Variants in CSMD1 observed in about 807,000 individuals in gnomAD.
CSMD1 encodes CUB and sushi domain-containing protein 1.
In CSMD1, 213 loss-of-function variants were observed where a neutral mutation model predicts 417.5. The observed-to-expected ratio is 0.51, with a 90% CI of 0.46 to 0.57. CSMD1 has a LOEUF of 0.57. CSMD1 is among the 20% of genes least tolerant of loss of function. The pLI is 0.00. For synonymous variants in CSMD1, 2,862 were observed against 1,736.8 expected (o/e 1.65, Z -16.11); for missense variants, 6,923 against 4,529.7 (o/e 1.53, Z -15.17).
intron 5 of CSMD1, among the ~76,000 whole-genome samples, chr8:3,798,605 C>A (rs192732374): frequency 6.6e-6 from 1 of 152,082 alleles, no homozygotes; most frequent in Non-Finnish European, 1.5e-5. Flanking sequence ...AAAATATTAA[C>A]TTTGCTTCCA....
rs551394306 is a variant in CSMD1 at position 4,274,596 on chromosome 8, T to C, written c.415+145357A>G. 3.9e-5 allele frequency among the ~76,000 whole-genome samples: 6 copies of C among 152,284 alleles called. No homozygotes were observed. The East Asian group carries it at 1.2e-3, about 29-fold the overall frequency. ...CTTTAAATTATATCTATTCTATTAA[T>C]AGATTAATCTATGAAATTTCTATTA... On this transcript the variant is annotated intron_variant, in intron 3 of 69. Coordinates refer to ENST00000635120, the MANE Select transcript of CSMD1 (RefSeq NM_033225.6).
intron 1 of CSMD1, among the ~76,000 whole-genome samples, chr8:4,672,370 G>C (rs1408991304): frequency 1.3e-5 from 2 of 152,164 alleles, no homozygotes; most frequent in Admixed American, 6.5e-5. Context: ...TAACTGTAAA[G>C]AGACTTAGAG....
chr8:3,798,750 G>A (rs925412293), intron 5 of CSMD1, among the ~76,000 whole-genome samples: 2 of 151,966 alleles, frequency 1.3e-5, no homozygotes, highest in African/African-American at 2.4e-5. Context: ...CTATAGATCA[G>A]TATTTAGAAA....
At chr8:4,214,600 C>T (rs74619223) in intron 3 of CSMD1, among the ~76,000 whole-genome samples, 1 of 152,188 alleles carries the variant, frequency 6.6e-6, no homozygotes, top group East Asian at 1.9e-4. Flanking sequence ...GCCTGGCCCA[C>T]CTTATTAGAA....
At chr8:3,390,537 G>C (rs922718461) in intron 17 of CSMD1, among the ~76,000 whole-genome samples, 1 of 151,910 alleles carries the variant, frequency 6.6e-6, no homozygotes, top group African/African-American at 2.4e-5. Context: ...AGCACAAAGA[G>C]AAATACAGAC....
At chr8:3,996,971 C>G (rs974341251) in intron 5 of CSMD1, among the ~76,000 whole-genome samples, 86 of 152,166 alleles carry the variant, frequency 5.7e-4, no homozygotes, top group African/African-American at 1.9e-3. Context: ...CAAACTGCAA[C>G]CTGCCGACAT....
At chr8:3,703,775 T>C (rs1198771917) in intron 7 of CSMD1, among the ~76,000 whole-genome samples, 5 of 152,098 alleles carry the variant, frequency 3.3e-5, no homozygotes, top group Non-Finnish European at 1.5e-5. Context: ...CATACCTGTA[T>C]AAACTTAACT....
At chr8:3,938,136 A>G (rs544725332) in intron 5 of CSMD1, among the ~76,000 whole-genome samples, 115 of 152,250 alleles carry the variant, frequency 7.6e-4, no homozygotes, top group Middle Eastern at 3.4e-3. Context: ...ATGTAAATAA[A>G]TATTTTATTA....
intron 17 of CSMD1, 97 bp downstream of exon 17, chr8:3,396,097 C>G (rs1185876061): frequency 3.8e-6 from 4 of 1,044,710 alleles, no homozygotes; most frequent in Non-Finnish European, 5.7e-6. Flanking sequence ...GATCAGTAAA[C>G]TAGCACAGTC....
intron 5 of CSMD1, among the ~76,000 whole-genome samples, chr8:3,806,008 G>A (rs878890790): frequency 2.0e-5 from 3 of 152,130 alleles, no homozygotes; most frequent in Admixed American, 2.0e-4. Context: ...CAAACTGGGG[G>A]AGACCTGGAG....
At chr8:3,645,824 GC>G (rs1222698096) in intron 7 of CSMD1, among the ~76,000 whole-genome samples, 4 of 152,176 alleles carry the variant, frequency 2.6e-5, no homozygotes, top group African/African-American at 7.2e-5. Context: ...ATGACACTGG[GC>G]TACAAGAAGA....
chr8:4,074,859 C>A (rs1799740733), intron 3 of CSMD1, among the ~76,000 whole-genome samples: 1 of 151,840 alleles, frequency 6.6e-6, no homozygotes. Context: ...TTTTTTCTCT[C>A]CTCCAGAATG....
At chr8:3,751,019 G>T (rs1797310696) in intron 6 of CSMD1, among the ~76,000 whole-genome samples, 1 of 152,064 alleles carries the variant, frequency 6.6e-6, no homozygotes, top group South Asian at 2.1e-4. Context: ...TTCTTCAGAG[G>T]GTGGTGTCTA....
chr8:3,006,621 T>C (rs1807928697), intron 52 of CSMD1, among the ~76,000 whole-genome samples: 1 of 150,572 alleles, frequency 6.6e-6, no homozygotes, highest in Admixed American at 6.6e-5. Flanking sequence ...TAATGCCGCA[T>C]ATCTACAACT....
chr8:3,488,358 T>G (rs1157017012), intron 11 of CSMD1, among the ~76,000 whole-genome samples: 2 of 152,110 alleles, frequency 1.3e-5, no homozygotes, highest in Non-Finnish European at 2.9e-5. Context: ...TTCTCCCTCC[T>G]CGGCTTCCCA....
intron 1 of CSMD1, among the ~76,000 whole-genome samples, chr8:4,739,006 C>T (rs547180468): frequency 5.9e-4 from 89 of 151,816 alleles, no homozygotes; most frequent in African/African-American, 2.1e-3. Flanking sequence ...GTCTTCCATG[C>T]TAAAACAAGT....
At chr8:3,760,186 C>G (rs1171808457) in intron 5 of CSMD1, among the ~76,000 whole-genome samples, 1 of 152,114 alleles carries the variant, frequency 6.6e-6, no homozygotes, top group African/African-American at 2.4e-5. Flanking sequence ...GCATCTCAAT[C>G]TAGGTCAGGA....
rs370398160 is a variant in CSMD1 at position 3,493,635 on chromosome 8, G to C, written c.1436C>G (p.Ser479Trp). The change falls in exon 11 of 70, where the codon TCG becomes TGG. Residue 479 changes from serine to tryptophan, a missense_variant. Transcript: ENST00000635120. ...AGGACATACTCACACGTACAAGACC[G>C]ATCTGGTGTCTCCCACCTTCCCAGC... Reference protein sequence around the residue: ...GDAGKVGDTRSVLYVLTGSSV... With the variant: ...GDAGKVGDTRWVLYVLTGSSV... The C allele has an allele frequency of 1.9e-6, 3 of 1,609,928 alleles. No homozygotes were observed. The highest frequency in any genetic ancestry group is 1.7e-5 in the Admixed American group (1 of 59,564).
intron 3 of CSMD1, among the ~76,000 whole-genome samples, chr8:4,153,735 A>T (rs1017020997): frequency 6.6e-6 from 1 of 152,202 alleles, no homozygotes; most frequent in African/African-American, 2.4e-5. Flanking sequence ...TGCAGTGGGC[A>T]CGGTTTCAGT....
Sources: allele counts gnomAD v4.1 joint callset (sites outside exome capture counted in the v4.1 genomes callset), GRCh38; gene constraint gnomAD v4.1.1; transcripts MANE v1.5; gene names NCBI Gene and HGNC (gene_info 2026-07-23, HGNC 2026-07-21).